EPB41L4A: variants seen among roughly 807,000 people sequenced by gnomAD.
The protein encoded by EPB41L4A is erythrocyte membrane protein band 4.1 like 4A, also known as band 4.1-like protein 4A.
EPB41L4A carries 100 observed loss-of-function variants against 108.6 expected under a neutral mutation model. The ratio of observed to expected loss-of-function variants is 0.92; its 90% confidence interval spans 0.78 to 1.09. The LOEUF (loss-of-function observed/expected upper bound fraction) is 1.09. Ranked by LOEUF, EPB41L4A falls within the 50% of genes least tolerant of loss-of-function variation. The pLI, the probability that EPB41L4A is intolerant of heterozygous loss-of-function variation, is 0.00. For missense variants in EPB41L4A, 1,030 were observed against 842.7 expected, an observed-to-expected ratio of 1.22 and a Z score of -2.75; for synonymous variants, 319 against 289.0, an observed-to-expected ratio of 1.10 and a Z score of -1.05.
At chr5:112,417,020 A>G (rs1173090625) in intron 1 of EPB41L4A, among the ~76,000 whole-genome samples, 1 of 152,228 alleles carries the variant, frequency 6.6e-6, no homozygotes, top group Non-Finnish European at 1.5e-5. Flanking sequence ...TGTGACAAGG[A>G]CAGAGGCCAA....
chr5:112,250,648 T>C (rs1750594460), intron 9 of EPB41L4A: 2 of 152,292 alleles, frequency 1.3e-5, no homozygotes, highest in East Asian at 1.9e-4. Context: ...AAGTGGCCCA[T>C]GTGTTTCAAT....
intron 1 of EPB41L4A, among the ~76,000 whole-genome samples, chr5:112,351,541 A>G (rs1181149204): frequency 2.0e-5 from 3 of 152,212 alleles, no homozygotes; most frequent in African/African-American, 4.8e-5. Flanking sequence ...TAAGCTTATG[A>G]AGAACAACTA....
chr5:112,300,642 G>C (rs972782396), intron 2 of EPB41L4A, among the ~76,000 whole-genome samples: 1 of 151,894 alleles, frequency 6.6e-6, no homozygotes, highest in African/African-American at 2.4e-5. Context: ...TGATCTTTTT[G>C]CAATTTGCCA....
chr5:112,159,614 G>A (rs1346905164), downstream of EPB41L4A, among the ~76,000 whole-genome samples: 1 of 152,136 alleles, frequency 6.6e-6, no homozygotes, highest in Non-Finnish European at 1.5e-5. Context: ...CTCGACTCCA[G>A]CCACACTGGC....
rs539079029 is a variant in EPB41L4A at position 112,184,747 on chromosome 5, G to T, written c.1503-612C>A. 1.3e-4 allele frequency among the ~76,000 whole-genome samples: 20 copies of T among 152,246 alleles called. 1 individual carries two copies. The East Asian group carries it at 2.9e-3, about 22-fold the overall frequency. ...TGGATGCTGGATGTGGGCAGGGAAGGAATGAAAATGAGGAAAAGAGAAAGG... is the reference window on the plus strand; with the variant it reads ...TGGATGCTGGATGTGGGCAGGGAAGTAATGAAAATGAGGAAAAGAGAAAGG... On this transcript the variant is annotated intron_variant, in intron 17 of 22. Coordinates refer to ENST00000261486, the MANE Select transcript of EPB41L4A (RefSeq NM_022140.5).
At chr5:112,416,722 A>G (rs1762737080) in intron 1 of EPB41L4A, among the ~76,000 whole-genome samples, 1 of 152,206 alleles carries the variant, frequency 6.6e-6, no homozygotes, top group Non-Finnish European at 1.5e-5. Context: ...AACACACATC[A>G]ATTGTACCTA....
At chr5:112,169,168 T>C in intron 20 of EPB41L4A, 63 bp from the exon 21 acceptor site, 2 of 1,166,942 alleles carry the variant, frequency 1.7e-6, no homozygotes, top group South Asian at 2.5e-5. Context: ...AAAGTAGGAG[T>C]TCTTAATATT....
chr5:112,215,174 C>G (rs1747527229), intron 12 of EPB41L4A, among the ~76,000 whole-genome samples: 1 of 152,132 alleles, frequency 6.6e-6, no homozygotes, highest in Admixed American at 6.6e-5. Flanking sequence ...AAAACAAAAA[C>G]TATTAATAGA....
Position 112,171,007 on chromosome 5 carries a change from A to C in EPB41L4A, c.1623-15T>G, listed in dbSNP as rs765119192. 2.5e-6 allele frequency: 4 copies of C among 1,609,340 alleles called. No individual in the cohort carries two copies. In the African/African-American group the frequency reaches 4.0e-5, roughly 16 times the overall value. On this transcript the variant is annotated splice_polypyrimidine_tract_variant and intron_variant, in intron 18 of 22. Coordinates refer to ENST00000261486, the MANE Select transcript of EPB41L4A (RefSeq NM_022140.5). ...CGGGGCTTCTCCTATAAATAGAGAA[A>C]ACAACATTCATCTCTGCAAACATGC...
chr5:112,344,561 C>A (rs114968251), intron 1 of EPB41L4A, among the ~76,000 whole-genome samples: 3 of 152,190 alleles, frequency 2.0e-5, no homozygotes, highest in Non-Finnish European at 4.4e-5. Flanking sequence ...TGTGAAGATA[C>A]TATGTAGGTG....
intron 1 of EPB41L4A, among the ~76,000 whole-genome samples, chr5:112,384,239 A>G (rs973730377): frequency 6.6e-6 from 1 of 152,230 alleles, no homozygotes; most frequent in South Asian, 2.1e-4. Flanking sequence ...TTCAGTGGGT[A>G]GACTGATATG....
chr5:112,293,042 A>G (rs990211343), intron 2 of EPB41L4A, among the ~76,000 whole-genome samples: 2 of 152,322 alleles, frequency 1.3e-5, no homozygotes, highest in Admixed American at 6.5e-5. Context: ...TTTATTGATA[A>G]GAACACCTAG....
intron 12 of EPB41L4A, among the ~76,000 whole-genome samples, chr5:112,229,106 T>C (rs908730631): frequency 3.3e-5 from 5 of 152,186 alleles, no homozygotes; most frequent in African/African-American, 1.2e-4. Context: ...AAAAGAAAGG[T>C]CTTCTAAAGT....
chr5:112,297,460 G>A (rs1477828770), intron 2 of EPB41L4A, among the ~76,000 whole-genome samples: 1 of 152,030 alleles, frequency 6.6e-6, no homozygotes, highest in Admixed American at 6.6e-5. Context: ...GTCCACTCAT[G>A]TCCTTAGTCT....
Position 112,204,209 on chromosome 5 carries a change from T to C in EPB41L4A, c.1376+166A>G, listed in dbSNP as rs746177064. ...TCTCTAAAACTCTGGCTGTTTACGATAAATACTTCAGGATTCCTAACTTAT... is the reference window on the plus strand; with the variant it reads ...TCTCTAAAACTCTGGCTGTTTACGACAAATACTTCAGGATTCCTAACTTAT... On this transcript the variant is annotated intron_variant, in intron 15 of 22. Coordinates refer to ENST00000261486, the MANE Select transcript of EPB41L4A (RefSeq NM_022140.5). Among the ~76,000 whole-genome samples the C allele has an allele frequency of 6.6e-5, 10 of 152,282 alleles. No individual in the cohort carries two copies. The East Asian group carries it at 7.7e-4, about 12-fold the overall frequency.
At chr5:112,411,735 C>A (rs1762425505) in intron 1 of EPB41L4A, among the ~76,000 whole-genome samples, 1 of 152,130 alleles carries the variant, frequency 6.6e-6, no homozygotes, top group African/African-American at 2.4e-5. Flanking sequence ...TGATGGTGAC[C>A]ATACAGCACT....
intron 11 of EPB41L4A, among the ~76,000 whole-genome samples, chr5:112,238,829 T>C (rs1248029515): frequency 6.6e-6 from 1 of 152,212 alleles, no homozygotes; most frequent in Non-Finnish European, 1.5e-5. Context: ...ACAGGCTCTC[T>C]CCATTGAACA....
intron 1 of EPB41L4A, among the ~76,000 whole-genome samples, chr5:112,360,667 G>A (rs557400756): frequency 2.9e-4 from 44 of 152,328 alleles, no homozygotes; most frequent in Admixed American, 1.8e-3. Flanking sequence ...CCAAAGTGCC[G>A]AGAATGCAGC....
At chr5:112,285,533 C>T (rs1463308690) in intron 2 of EPB41L4A, among the ~76,000 whole-genome samples, 4 of 152,136 alleles carry the variant, frequency 2.6e-5, no homozygotes, top group African/African-American at 7.2e-5. Context: ...TCACAGAAGC[C>T]TTAGGACCTC....
Sources: gnomAD v4.1 joint callset for allele counts (sites outside exome capture counted in the v4.1 genomes callset) on GRCh38, gnomAD v4.1.1 for gene constraint, MANE v1.5 for transcripts, NCBI Gene and HGNC (gene_info 2026-07-23, HGNC 2026-07-21) for gene names.